Variants in PSPC1 observed in about 807,000 individuals in gnomAD.
The protein encoded by PSPC1 is paraspeckle component 1, also known as paraspeckle protein 1.
In PSPC1, 14 loss-of-function variants were observed where a neutral mutation model predicts 51.6. The observed-to-expected ratio is 0.27, with a 90% CI of 0.18 to 0.42. The LOEUF (loss-of-function observed/expected upper bound fraction) is 0.42, where lower values mean the gene tolerates loss of function less well. Ranked by LOEUF, PSPC1 falls within the 10% of genes least tolerant of loss-of-function variation. The pLI, the probability that PSPC1 is intolerant of heterozygous loss-of-function variation, is 1.00. For synonymous variants in PSPC1, 193 were observed against 231.9 expected, an observed-to-expected ratio of 0.83 and a Z score of 1.53; for missense variants, 406 against 701.1, an observed-to-expected ratio of 0.58 and a Z score of 4.75.
chr13:19,728,109 A>G (rs1042052814), intron 6 of PSPC1, among the ~76,000 whole-genome samples: 4 of 152,170 alleles, frequency 2.6e-5, no homozygotes, highest in African/African-American at 4.8e-5. Flanking sequence ...TGTGTCATAA[A>G]ATTATGATCA....
chr13:19,683,411 A>G lies in PSPC1; in HGVS notation c.1159-5588T>C, dbSNP rs148842386. Among the ~76,000 whole-genome samples the G allele has an allele frequency of 2.0e-5, 3 of 148,872 alleles. No individual in the cohort carries two copies. The East Asian group carries it at 5.8e-4, about 29-fold the overall frequency. ...ATGTGAAGTGGAAGAAGCCGGAGAG[A>G]AAAAAGAGTACATATTGTACCATTC... On this transcript the variant is annotated intron_variant and NMD_transcript_variant, in intron 6 of 7. Coordinates refer to the PSPC1 transcript ENST00000471658.
At chr13:19,766,476 T>C (rs1888077601) in intron 2 of PSPC1, among the ~76,000 whole-genome samples, 1 of 152,094 alleles carries the variant, frequency 6.6e-6, no homozygotes, top group Non-Finnish European at 1.5e-5. Context: ...GCAGATCACT[T>C]GAGCCCAAGA....
rs1031463755 is a variant in PSPC1 at position 19,714,538 on chromosome 13, C to G, written c.1159-4939G>C. Reference sequence around the variant, plus strand: ...CCTTTGTCAGTCTCACTCTGTTGCCCAGGCTGGGGTGCAATGGCGTGATCT... The same window carrying G: ...CCTTTGTCAGTCTCACTCTGTTGCCGAGGCTGGGGTGCAATGGCGTGATCT... On this transcript the variant is annotated intron_variant, in intron 6 of 8. Coordinates refer to ENST00000338910, the MANE Select transcript of PSPC1 (RefSeq NM_001354909.2). Among the ~76,000 whole-genome samples, 6 of 150,798 alleles carry G rather than the reference C, an allele frequency of 4.0e-5. No homozygotes were observed. In the East Asian group the frequency reaches 1.2e-3, roughly 29 times the overall value.
In PSPC1 at chr13:19,715,530, T is replaced by C. The variant is rs183242735; in HGVS notation, c.1159-5931A>G. Among the ~76,000 whole-genome samples, 12 of 152,292 alleles carry C rather than the reference T, an allele frequency of 7.9e-5. No homozygotes were observed. In the East Asian group the frequency reaches 2.3e-3, roughly 29 times the overall value. Reference sequence around the variant, plus strand: ...CCAACACGATGCCCAAAGTGGAAGATTCCATACTTGACCTCATGTGATGGG... The same window carrying C: ...CCAACACGATGCCCAAAGTGGAAGACTCCATACTTGACCTCATGTGATGGG... On this transcript the variant is annotated intron_variant, in intron 6 of 8. Transcript: ENST00000338910.
At chr13:19,717,448 G>A (rs1882242557) in intron 6 of PSPC1, among the ~76,000 whole-genome samples, 1 of 151,782 alleles carries the variant, frequency 6.6e-6, no homozygotes. Context: ...GCTCAAGCCT[G>A]TAATCCAAGC....
chr13:19,710,396 T>C, intron 6 of PSPC1, among the ~76,000 whole-genome samples: 1 of 152,132 alleles, frequency 6.6e-6, no homozygotes, highest in Non-Finnish European at 1.5e-5. Flanking sequence ...CAAGATAACA[T>C]AGGAAAATTG....
In PSPC1 at chr13:19,693,905, C is replaced by T. The variant is rs113170955; in HGVS notation, c.1159-16082G>A. Among the ~76,000 whole-genome samples the T allele has an allele frequency of 3.3e-3, 495 of 152,094 alleles. 5 individuals carry two copies. The highest frequency in any genetic ancestry group is 0.011 in the African/African-American group (454 of 41,500). On this transcript the variant is annotated intron_variant and NMD_transcript_variant, in intron 6 of 7. Coordinates refer to the PSPC1 transcript ENST00000471658. The stretch of plus-strand genomic sequence containing the variant: ...TTGGGAGGCCGAGATGGGCGGATCA[C>T]GAGGTCAGGAGATCGAGACCATGCT...
At chr13:19,776,811 A>C (rs1889182506) in intron 1 of PSPC1, among the ~76,000 whole-genome samples, 2 of 150,444 alleles carry the variant, frequency 1.3e-5, no homozygotes, top group South Asian at 4.4e-4. Context: ...CCGGCCTACT[A>C]TATGTAAATT....
At chr13:19,691,118 T>C (rs983967703) in intron 6 of PSPC1, among the ~76,000 whole-genome samples, 1 of 152,216 alleles carries the variant, frequency 6.6e-6, no homozygotes, top group African/African-American at 2.4e-5. Flanking sequence ...TACTAAAAAC[T>C]CTACTCCTAA....
chr13:19,747,194 T>A (rs535317626), intron 4 of PSPC1, among the ~76,000 whole-genome samples: 1 of 152,098 alleles, frequency 6.6e-6, no homozygotes, highest in Admixed American at 6.6e-5. Context: ...AAAAACAAAC[T>A]GAAAAGAGAA....
intron 2 of PSPC1, among the ~76,000 whole-genome samples, chr13:19,768,992 T>A (rs1441727180): frequency 6.8e-6 from 1 of 147,786 alleles, no homozygotes; most frequent in Admixed American, 6.8e-5. Flanking sequence ...AAAAAAAAAT[T>A]AGCCAGGCAT....
chr13:19,674,081 T>C (rs189328824), downstream of PSPC1, among the ~76,000 whole-genome samples: 1 of 152,246 alleles, frequency 6.6e-6, no homozygotes, highest in Non-Finnish European at 1.5e-5. Flanking sequence ...ACAGATGGGA[T>C]GCATGGCTGT....
intron 5 of PSPC1, among the ~76,000 whole-genome samples, chr13:19,737,509 A>G (rs1228055254): frequency 2.0e-5 from 3 of 152,190 alleles, no homozygotes; most frequent in Non-Finnish European, 2.9e-5. Flanking sequence ...TCAGTGAATC[A>G]TATCAAGGGG....
downstream of PSPC1, among the ~76,000 whole-genome samples, chr13:19,700,350 C>T (rs1368630171): frequency 6.6e-6 from 1 of 151,984 alleles, no homozygotes; most frequent in Admixed American, 6.6e-5. Flanking sequence ...TATTAAATGG[C>T]AATTCCAGCT....
intron 6 of PSPC1, among the ~76,000 whole-genome samples, chr13:19,690,480 A>G (rs752095231): frequency 1.9e-4 from 29 of 152,188 alleles, no homozygotes; most frequent in Admixed American, 1.4e-3. Flanking sequence ...GTGAGAGAAA[A>G]ACAAATACAG....
At chr13:19,769,689 C>T (rs1020001535) in intron 2 of PSPC1, among the ~76,000 whole-genome samples, 2 of 151,974 alleles carry the variant, frequency 1.3e-5, no homozygotes, top group African/African-American at 2.4e-5. Flanking sequence ...GAGCTGAGAT[C>T]GCGCCATTGC....
chr13:19,726,168 A>C (rs1883340032), intron 6 of PSPC1, among the ~76,000 whole-genome samples: 1 of 152,176 alleles, frequency 6.6e-6, no homozygotes, highest in Non-Finnish European at 1.5e-5. Context: ...TACCATCAAT[A>C]AATAAATAAA....
chr13:19,750,455 C>T (rs1259855956), intron 4 of PSPC1, among the ~76,000 whole-genome samples: 1 of 61,658 alleles, frequency 1.6e-5, no homozygotes, highest in African/African-American at 3.3e-5. Flanking sequence ...AACAAACAAA[C>T]AAAAATATAT....
intron 2 of PSPC1, among the ~76,000 whole-genome samples, chr13:19,768,182 T>C (rs1364940455): frequency 6.7e-6 from 1 of 150,114 alleles, no homozygotes; most frequent in South Asian, 2.1e-4. Flanking sequence ...CCGAGATCAC[T>C]CCACTGCACT....
Sources: allele counts gnomAD v4.1 joint callset (sites outside exome capture counted in the v4.1 genomes callset), GRCh38; gene constraint gnomAD v4.1.1; transcripts MANE v1.5; gene names NCBI Gene and HGNC (gene_info 2026-07-23, HGNC 2026-07-21).